The following RNF220 variants were observed in gnomAD, a reference collection of about 807,000 sequenced individuals.
The protein encoded by RNF220 is ring finger protein 220.
In RNF220, 7 loss-of-function variants were observed where a neutral mutation model predicts 67.1. That is an observed-to-expected ratio of 0.10 (90% confidence interval 0.06 to 0.20). RNF220 has a LOEUF of 0.20. Ranked by LOEUF, RNF220 falls within the 10% of genes least tolerant of loss-of-function variation. The probability of loss-of-function intolerance (pLI) is 1.00; values close to 1 mark genes in which losing one functional copy is unlikely to be tolerated. For synonymous variants in RNF220, 270 were observed against 283.2 expected, an observed-to-expected ratio of 0.95 and a Z score of 0.47; for missense variants, 565 against 740.3, an observed-to-expected ratio of 0.76 and a Z score of 2.75.
At chr1:44,407,098 C>T (rs951831440) in intron 1 of RNF220, among the ~76,000 whole-genome samples, 16 of 152,148 alleles carry the variant, frequency 1.1e-4, no homozygotes, top group African/African-American at 3.6e-4. Flanking sequence ...GCATGGGGCC[C>T]GGGCCATAGG....
intron 2 of RNF220, among the ~76,000 whole-genome samples, chr1:44,602,714 T>A (rs1667007492): frequency 1.3e-5 from 2 of 151,802 alleles, no homozygotes; most frequent in Admixed American, 1.3e-4. Flanking sequence ...CTTCCCACAC[T>A]CCTCCTTAGT....
chr1:44,429,625 AAAG>A lies in RNF220; in HGVS notation c.625+16907_625+16909del, dbSNP rs545606268. 8.5e-5 allele frequency among the ~76,000 whole-genome samples: 13 copies of A among 152,338 alleles called. No individual in the cohort carries two copies. In the South Asian group the frequency reaches 2.1e-3, roughly 24 times the overall value. ...AAACCAAAAGTAGCCAGAGAGCTGA[AAAG>A]AAGGAGGGAAAACTTGAAGATGGAG... On this transcript the variant is annotated intron_variant, in intron 2 of 14. Transcript: ENST00000361799.
chr1:44,536,547 C>G (rs1455953514), intron 2 of RNF220, among the ~76,000 whole-genome samples: 2 of 152,216 alleles, frequency 1.3e-5, no homozygotes, highest in Non-Finnish European at 2.9e-5. Flanking sequence ...GGCCTGCAGC[C>G]TTTCTCAGCT....
chr1:44,517,122 C>T (rs1369132466), intron 2 of RNF220, among the ~76,000 whole-genome samples: 1 of 152,176 alleles, frequency 6.6e-6, no homozygotes, highest in East Asian at 1.9e-4. Flanking sequence ...GCCCAAAATC[C>T]AGGCATCAGC....
At chr1:44,632,180 G>A (rs1211097520) in intron 5 of RNF220, 163 bp from the exon 6 acceptor site, 2 of 1,574,918 alleles carry the variant, frequency 1.3e-6, no homozygotes, top group South Asian at 1.1e-5. Flanking sequence ...AGCGGCCGGA[G>A]GAGCAGAGGG....
At chr1:44,455,598 A>G (rs1041124394) in intron 2 of RNF220, among the ~76,000 whole-genome samples, 17 of 152,218 alleles carry the variant, frequency 1.1e-4, no homozygotes, top group South Asian at 2.1e-4. Context: ...AGTAGGTTAT[A>G]AGAAACAAGT....
chr1:44,489,370 A>G (rs534648597), intron 2 of RNF220, among the ~76,000 whole-genome samples: 20 of 152,376 alleles, frequency 1.3e-4, no homozygotes, highest in Admixed American at 2.6e-4. Context: ...GAAGCAGAAG[A>G]TGGTAAACAC....
rs541848265 is a variant in RNF220 at position 44,477,583 on chromosome 1, A to G, written c.625+64861A>G. On this transcript the variant is annotated intron_variant, in intron 2 of 14. Transcript: ENST00000361799. The stretch of plus-strand genomic sequence containing the variant: ...AAGCATCCACAAAAATCTCCTTTGC[A>G]TACAACAGCACTTACTTCTCATGCA... 3.9e-5 allele frequency among the ~76,000 whole-genome samples: 6 copies of G among 152,378 alleles called. No homozygotes were observed. In the South Asian group the frequency reaches 1.2e-3, roughly 32 times the overall value.
At chr1:44,560,854 C>A (rs994185351) in intron 2 of RNF220, among the ~76,000 whole-genome samples, 2 of 152,172 alleles carry the variant, frequency 1.3e-5, no homozygotes, top group Non-Finnish European at 2.9e-5. Flanking sequence ...AGCCACCACA[C>A]CCAGCCTTCA....
At chr1:44,492,019 C>A (rs1656903361) in intron 2 of RNF220, among the ~76,000 whole-genome samples, 1 of 151,690 alleles carries the variant, frequency 6.6e-6, no homozygotes, top group Non-Finnish European at 1.5e-5. Context: ...TTAGCTAGGG[C>A]AATTAGGCAA....
intron 2 of RNF220, among the ~76,000 whole-genome samples, chr1:44,613,588 TA>T (rs1273259050): frequency 6.6e-6 from 1 of 151,776 alleles, no homozygotes; most frequent in African/African-American, 2.4e-5. Flanking sequence ...CCCATCTCTA[TA>T]AAAAAAATAA....
At chr1:44,583,616 A>C (rs553618046) in intron 2 of RNF220, among the ~76,000 whole-genome samples, 24 of 152,370 alleles carry the variant, frequency 1.6e-4, no homozygotes, top group African/African-American at 5.8e-4. Context: ...GAATCAAAGA[A>C]CATCACTTCT....
chr1:44,604,970 T>C (rs1176688860), intron 2 of RNF220, among the ~76,000 whole-genome samples: 2 of 152,122 alleles, frequency 1.3e-5, no homozygotes, highest in Non-Finnish European at 2.9e-5. Context: ...TGTGAGAGGG[T>C]CTATACATGT....
At chr1:44,614,068 A>G in intron 2 of RNF220, 97 bp from the exon 3 acceptor site, 3 of 1,536,774 alleles carry the variant, frequency 2.0e-6, no homozygotes, top group Non-Finnish European at 2.7e-6. Flanking sequence ...GAAGCCCTAG[A>G]GGGCAGCAGC....
chr1:44,408,959 G>A (rs1647686025), intron 1 of RNF220: 1 of 152,268 alleles, frequency 6.6e-6, no homozygotes, highest in Non-Finnish European at 1.5e-5. Context: ...TACTCTCTGA[G>A]ACTTTCTCTT....
intron 8 of RNF220, among the ~76,000 whole-genome samples, chr1:44,636,989 T>C (rs1644349092): frequency 6.6e-6 from 1 of 152,240 alleles, no homozygotes; most frequent in Admixed American, 6.5e-5. Context: ...CCAGCTCTTC[T>C]CTCTTTCTGT....
chr1:44,566,108 C>T (rs1168903647), intron 2 of RNF220, among the ~76,000 whole-genome samples: 1 of 152,166 alleles, frequency 6.6e-6, no homozygotes, highest in East Asian at 1.9e-4. Flanking sequence ...CCCTCCCATC[C>T]CTCCCCCTAG....
intron 2 of RNF220, among the ~76,000 whole-genome samples, chr1:44,478,352 G>T (rs1655473253): frequency 1.3e-5 from 2 of 151,646 alleles, no homozygotes; most frequent in South Asian, 4.2e-4. Context: ...GAAGACCTAA[G>T]AACTTAAAAA....
chr1:44,609,247 C>G (rs1167242325), intron 2 of RNF220, among the ~76,000 whole-genome samples: 1 of 152,190 alleles, frequency 6.6e-6, no homozygotes, highest in Non-Finnish European at 1.5e-5. Flanking sequence ...TCTGTCATTA[C>G]AGTCACCCTC....
Sources: gnomAD v4.1 joint callset for allele counts (sites outside exome capture counted in the v4.1 genomes callset) on GRCh38, gnomAD v4.1.1 for gene constraint, MANE v1.5 for transcripts, NCBI Gene and HGNC (gene_info 2026-07-23, HGNC 2026-07-21) for gene names.